Variants in TEAD1 observed in about 807,000 individuals in gnomAD.
The protein encoded by TEAD1 is TEA domain transcription factor 1, also known as transcriptional enhancer factor TEF-1.
Under a neutral mutation model 54.9 loss-of-function variants are expected in TEAD1, and 9 were observed. The ratio of observed to expected loss-of-function variants is 0.16; its 90% CI spans 0.10 to 0.29. The LOEUF (loss-of-function observed/expected upper bound fraction) is 0.29, where lower values mean the gene tolerates loss of function less well. TEAD1 is among the 10% of genes least tolerant of loss of function. TEAD1 has a pLI of 1.00. For missense variants in TEAD1, 387 were observed against 535.9 expected, an observed-to-expected ratio of 0.72 and a Z score of 2.74; for synonymous variants, 200 against 187.8, an observed-to-expected ratio of 1.07 and a Z score of -0.53.
rs145798980 is a variant in TEAD1 at position 12,905,640 on chromosome 11, C to T, written c.873+3527C>T. Among the ~76,000 whole-genome samples, 6 of 152,200 alleles carry T rather than the reference C, an allele frequency of 3.9e-5. No homozygotes were observed. In the South Asian group the frequency reaches 8.3e-4, roughly 21 times the overall value. On this transcript the variant is annotated intron_variant, in intron 10 of 12. Transcript: ENST00000527636. ...AGTAGGTGCTTCCAGTGGGTGTTTC[C>T]GAAGTAGGTTTAACACTCCCTTCGA...
intron 7 of TEAD1, 42 bp downstream of exon 7, chr11:12,881,093 T>TGGGCTCTC: frequency 6.2e-7 from 1 of 1,605,236 alleles, no homozygotes; most frequent in Admixed American, 1.7e-5. Context: ...TACGGGCTGG[T>TGGGCTCTC]CCCAGCCCAC....
chr11:12,844,192 A>G lies in TEAD1; in HGVS notation c.203-18058A>G, dbSNP rs562503527. On this transcript the variant is annotated intron_variant, in intron 3 of 12. Transcript: ENST00000527636. ...CATTTTAATGTTTAAATAAATGTAAATAATTTAGTTACAAGGTCTTTATGG... is the reference window on the plus strand; with the variant it reads ...CATTTTAATGTTTAAATAAATGTAAGTAATTTAGTTACAAGGTCTTTATGG... 1.1e-3 allele frequency among the ~76,000 whole-genome samples: 161 copies of G among 152,294 alleles called. 2 individuals are homozygous for G. Among genetic ancestry groups the G allele is most frequent in the South Asian group, 2.1e-3 (10 of 4,814 alleles).
chr11:12,859,312 A>T lies in TEAD1; in HGVS notation c.203-2938A>T, dbSNP rs1433114517. On this transcript the variant is annotated intron_variant, in intron 3 of 12. Transcript: ENST00000527636. ...CCAGAAAATAAACAAGTTTGAGGGT[A>T]GGAGACATTTTTGTCATCTGGACAA... Among the ~76,000 whole-genome samples the T allele has an allele frequency of 7.1e-3, 1,078 of 152,328 alleles. 13 individuals are homozygous for T. Among genetic ancestry groups the T allele is most frequent in the African/African-American group, 0.025 (1,021 of 41,546 alleles).
Position 12,940,581 on chromosome 11 carries a change from C to A in TEAD1, c.*3359C>A, listed in dbSNP as rs145611422. 1.3e-4 allele frequency: 20 copies of A among 152,366 alleles called. No individual in the cohort carries two copies. The highest frequency in any genetic ancestry group is 4.8e-4 in the African/African-American group (20 of 41,564). 9.4% of individuals were successfully genotyped at this position (152,366 alleles called of 1,614,324 possible). ...CAGAACTTCTGTTTCACAACAATTT[C>A]TCTCTCGCTACAAGTATTCTTTCAC... On this transcript the variant is annotated 3_prime_UTR_variant, in exon 13 of 13. Transcript: ENST00000527636.
chr11:12,910,747 CTT>C (rs5789752), intron 10 of TEAD1, among the ~76,000 whole-genome samples: 3 of 119,886 alleles, frequency 2.5e-5, no homozygotes, highest in Non-Finnish European at 5.0e-5. Flanking sequence ...ACTTAATTTG[CTT>C]TTTTTTTTTT....
At chr11:12,830,987 G>A (rs1338028233) in intron 3 of TEAD1, among the ~76,000 whole-genome samples, 1 of 152,124 alleles carries the variant, frequency 6.6e-6, no homozygotes, top group African/African-American at 2.4e-5. Context: ...CAGGACCTCA[G>A]TGCTGGTGAT....
At chr11:12,679,273 C>A (rs1173204091) in intron 2 of TEAD1, among the ~76,000 whole-genome samples, 1 of 152,172 alleles carries the variant, frequency 6.6e-6, no homozygotes, top group Non-Finnish European at 1.5e-5. Flanking sequence ...TATCCTAATG[C>A]AATGCTTTCT....
intron 2 of TEAD1, among the ~76,000 whole-genome samples, chr11:12,690,935 T>C (rs1275312415): frequency 1.3e-5 from 2 of 152,132 alleles, no homozygotes; most frequent in African/African-American, 2.4e-5. Context: ...TTTTAGTTTT[T>C]TGTAGAGACA....
intron 10 of TEAD1, among the ~76,000 whole-genome samples, chr11:12,910,927 G>T (rs1276240378): frequency 6.6e-6 from 1 of 151,772 alleles, no homozygotes; most frequent in Non-Finnish European, 1.5e-5. Context: ...TTGTATTTTT[G>T]GTAGAGATGG....
intron 3 of TEAD1, among the ~76,000 whole-genome samples, chr11:12,767,008 C>T (rs1253884276): frequency 1.3e-5 from 2 of 152,132 alleles, no homozygotes; most frequent in Admixed American, 1.3e-4. Context: ...AGGAGCTTTG[C>T]TTCTACTGCT....
chr11:12,712,085 G>C (rs762616622), intron 2 of TEAD1, among the ~76,000 whole-genome samples: 15 of 152,094 alleles, frequency 9.9e-5, no homozygotes, highest in Non-Finnish European at 1.9e-4. Context: ...TCTTTTGAGG[G>C]ACATTCTCCA....
intron 9 of TEAD1, among the ~76,000 whole-genome samples, chr11:12,891,150 A>G (rs562612165): frequency 1.3e-5 from 2 of 152,344 alleles, no homozygotes; most frequent in South Asian, 2.1e-4. Context: ...AGAGAATGGA[A>G]GGGAGATGTC....
chr11:12,734,314 G>A (rs902193866), intron 2 of TEAD1, among the ~76,000 whole-genome samples: 1 of 152,130 alleles, frequency 6.6e-6, no homozygotes, highest in African/African-American at 2.4e-5. Context: ...TAGCTGTACA[G>A]TATGTTTGTG....
intron 2 of TEAD1, among the ~76,000 whole-genome samples, chr11:12,712,285 A>G (rs1018834009): frequency 3.9e-5 from 6 of 151,970 alleles, no homozygotes; most frequent in South Asian, 4.2e-4. Flanking sequence ...TTGCCAAGGG[A>G]CTCTCAGTTT....
At chr11:12,746,192 A>G (rs1188743763) in intron 2 of TEAD1, among the ~76,000 whole-genome samples, 3 of 152,246 alleles carry the variant, frequency 2.0e-5, no homozygotes, top group African/African-American at 4.8e-5. Flanking sequence ...CGAGAGTAGC[A>G]CGGGAATGAA....
chr11:12,737,005 AT>A (rs563157604), intron 2 of TEAD1, among the ~76,000 whole-genome samples: 145 of 152,284 alleles, frequency 9.5e-4, no homozygotes, highest in African/African-American at 3.3e-3. Context: ...TTGAAGAAAA[AT>A]TTAATTCTTG....
chr11:12,755,154 G>T (rs1410832436), intron 2 of TEAD1, among the ~76,000 whole-genome samples: 1 of 152,126 alleles, frequency 6.6e-6, no homozygotes, highest in African/African-American at 2.4e-5. Context: ...GACTCTCCAG[G>T]CATTTACCTA....
intron 8 of TEAD1, among the ~76,000 whole-genome samples, chr11:12,882,726 C>G (rs749386457): frequency 6.6e-6 from 1 of 152,194 alleles, no homozygotes; most frequent in African/African-American, 2.4e-5. Flanking sequence ...CCCAAGTAGA[C>G]CCCTTGGTGC....
At chr11:12,925,433 T>C (rs1265741841) in intron 11 of TEAD1, among the ~76,000 whole-genome samples, 2 of 152,130 alleles carry the variant, frequency 1.3e-5, no homozygotes, top group African/African-American at 2.4e-5. Context: ...AGGAACAGCC[T>C]GGGGGCCACC....
Sources: gnomAD v4.1 joint callset for allele counts (sites outside exome capture counted in the v4.1 genomes callset) on GRCh38, gnomAD v4.1.1 for gene constraint, MANE v1.5 for transcripts, NCBI Gene and HGNC (gene_info 2026-07-23, HGNC 2026-07-21) for gene names.